The following GPM6A variants were observed in gnomAD, a reference collection of about 807,000 sequenced individuals.
GPM6A encodes neuronal membrane glycoprotein M6-a.
In GPM6A, 7 loss-of-function variants were observed where a neutral mutation model predicts 32.1. The ratio of observed to expected loss-of-function variants is 0.22; its 90% confidence interval spans 0.12 to 0.41. The LOEUF (loss-of-function observed/expected upper bound fraction) is 0.41. Among genes scored for constraint, GPM6A ranks in the 10% least tolerant of loss-of-function variants. GPM6A has a pLI of 1.00. For synonymous variants in GPM6A, 130 were observed against 123.4 expected (o/e 1.05, Z -0.35); for missense variants, 235 against 347.2 (o/e 0.68, Z 2.57).
intron 1 of GPM6A, among the ~76,000 whole-genome samples, chr4:175,778,704 T>C (rs1271078305): frequency 6.7e-6 from 1 of 150,176 alleles, no homozygotes; most frequent in Admixed American, 6.6e-5. Context: ...CAACATAGTT[T>C]TTTCCTTATT....
chr4:175,705,256 T>C (rs780575821), intron 1 of GPM6A, among the ~76,000 whole-genome samples: 8 of 152,248 alleles, frequency 5.3e-5, no homozygotes, highest in Admixed American at 6.5e-5. Flanking sequence ...TTTTACTCTA[T>C]GTAAACAGTA....
At chr4:175,669,652 T>C (rs776003483) in intron 3 of GPM6A, among the ~76,000 whole-genome samples, 1 of 152,230 alleles carries the variant, frequency 6.6e-6, no homozygotes, top group Admixed American at 6.5e-5. Context: ...AAAACTTATA[T>C]ATGGAAGAAC....
At chr4:175,929,895 T>C (rs1290206796) in intron 1 of GPM6A, among the ~76,000 whole-genome samples, 1 of 152,096 alleles carries the variant, frequency 6.6e-6, no homozygotes, top group Non-Finnish European at 1.5e-5. Context: ...AGAAATATGA[T>C]CTCTCAGATA....
intron 1 of GPM6A, among the ~76,000 whole-genome samples, chr4:175,829,732 T>C (rs1735551966): frequency 6.8e-6 from 1 of 147,638 alleles, no homozygotes; most frequent in Admixed American, 6.8e-5. Context: ...ATAGGAAATA[T>C]ATAAGATATA....
intron 1 of GPM6A, among the ~76,000 whole-genome samples, chr4:175,864,463 C>T (rs986126903): frequency 2.0e-5 from 3 of 151,982 alleles, no homozygotes; most frequent in Non-Finnish European, 4.4e-5. Flanking sequence ...CATGGGCTAC[C>T]ATGCCCAGCT....
At chr4:175,924,827 G>GA (rs1738780125) in intron 1 of GPM6A, among the ~76,000 whole-genome samples, 1 of 116,728 alleles carries the variant, frequency 8.6e-6, no homozygotes, top group South Asian at 2.7e-4. Context: ...GCAACAGAGT[G>GA]AAAATCTGTC....
chr4:175,923,216 TA>T (rs1404989543), intron 1 of GPM6A, among the ~76,000 whole-genome samples: 4 of 6,176 alleles, frequency 6.5e-4, no homozygotes, highest in Non-Finnish European at 0.014. Context: ...TAACATGATT[TA>T]TATATATATA....
chr4:175,798,356 C>T (rs953153766), intron 1 of GPM6A, among the ~76,000 whole-genome samples: 2 of 152,256 alleles, frequency 1.3e-5, no homozygotes, highest in African/African-American at 4.8e-5. Context: ...ATCCTAAAAG[C>T]ACTCAATTCA....
At chr4:175,753,434 A>G (rs1430431800) in intron 1 of GPM6A, among the ~76,000 whole-genome samples, 2 of 152,146 alleles carry the variant, frequency 1.3e-5, no homozygotes, top group Non-Finnish European at 2.9e-5. Context: ...AGCAAAATGG[A>G]CTGCAGATAA....
intron 1 of GPM6A, among the ~76,000 whole-genome samples, chr4:175,932,108 A>G (rs879747743): frequency 5.9e-4 from 90 of 151,700 alleles, no homozygotes; most frequent in Non-Finnish European, 1.1e-3. Context: ...GAAAAAAAAA[A>G]AAAAAGAAAA....
chr4:175,642,631 G>A (rs1478147140), intron 4 of GPM6A, among the ~76,000 whole-genome samples: 1 of 151,922 alleles, frequency 6.6e-6, no homozygotes, highest in African/African-American at 2.4e-5. Context: ...TTCAGTTTTT[G>A]CCTTTCTGAT....
intron 1 of GPM6A, among the ~76,000 whole-genome samples, chr4:175,878,410 C>T (rs1560976217): frequency 6.6e-6 from 1 of 152,188 alleles, no homozygotes; most frequent in African/African-American, 2.4e-5. Context: ...CCAGACATTT[C>T]CATACATTCT....
chr4:175,812,099 A>G lies in GPM6A; in HGVS notation c.37+92T>C, dbSNP rs574334319. The G allele has an allele frequency of 2.9e-5, 27 of 933,790 alleles. No homozygotes were observed. The South Asian group carries it at 4.2e-4, about 15-fold the overall frequency. The allele number at this position is 933,790 out of a possible 1,614,324, so 57.8% of individuals were successfully genotyped here. The stretch of plus-strand genomic sequence containing the variant: ...GAACAAAATGCCTTCCAAGAGAGAA[A>G]CATTCATTAGCCTTACTGGCAAGTG... On this transcript the variant is annotated intron_variant, in intron 1 of 6. Transcript: ENST00000393658.
intron 1 of GPM6A, among the ~76,000 whole-genome samples, chr4:175,986,035 A>T (rs751275280): frequency 3.3e-5 from 5 of 151,656 alleles, no homozygotes; most frequent in Non-Finnish European, 1.5e-5. Context: ...CGAACTCTTG[A>T]CCTTGCGATC....
At chr4:175,782,620 T>C (rs1733653099) in intron 1 of GPM6A, among the ~76,000 whole-genome samples, 1 of 152,250 alleles carries the variant, frequency 6.6e-6, no homozygotes, top group East Asian at 1.9e-4. Context: ...TGTCAGTTTA[T>C]TACATCCGAT....
At chr4:175,769,469 T>C (rs1733102480) in intron 1 of GPM6A, among the ~76,000 whole-genome samples, 1 of 144,318 alleles carries the variant, frequency 6.9e-6, no homozygotes, top group African/African-American at 2.6e-5. Flanking sequence ...TTGTGCAAAA[T>C]ATCCAGGTGA....
At chr4:175,716,272 T>G (rs1466256214) in intron 1 of GPM6A, among the ~76,000 whole-genome samples, 2 of 152,142 alleles carry the variant, frequency 1.3e-5, no homozygotes, top group Non-Finnish European at 2.9e-5. Context: ...ATCAGAATCA[T>G]GATAATTTTC....
chr4:175,933,628 C>T (rs28858117), intron 1 of GPM6A, among the ~76,000 whole-genome samples: 6,369 of 152,112 alleles, frequency 0.042, 454 homozygotes, highest in African/African-American at 0.14. Flanking sequence ...CTGCAAGCTC[C>T]GCCTCCCGAG....
intron 4 of GPM6A, among the ~76,000 whole-genome samples, chr4:175,646,645 T>C (rs1741479359): frequency 6.6e-6 from 1 of 152,324 alleles, no homozygotes; most frequent in South Asian, 2.1e-4. Context: ...AACCCAATTG[T>C]CCCATGGAAA....
Sources: gnomAD v4.1 joint callset for allele counts (sites outside exome capture counted in the v4.1 genomes callset) on GRCh38, gnomAD v4.1.1 for gene constraint, MANE v1.5 for transcripts, NCBI Gene and HGNC (gene_info 2026-07-23, HGNC 2026-07-21) for gene names.